The following IPO11 variants were observed in gnomAD, a reference collection of about 807,000 sequenced individuals.
IPO11 encodes the protein importin 11, also known as importin-11.
Under a neutral mutation model 143.2 loss-of-function variants are expected in IPO11, and 66 were observed. That is an observed-to-expected ratio of 0.46 (90% CI 0.38 to 0.57). The LOEUF (loss-of-function observed/expected upper bound fraction) is 0.57. IPO11 is among the 20% of genes least tolerant of loss of function. The pLI is 0.00. For synonymous variants in IPO11, 385 were observed against 377.8 expected (o/e 1.02, Z -0.22); for missense variants, 1,026 against 1,141.0 (o/e 0.90, Z 1.45).
At chr5:62,568,922 G>A (rs1483219768) in intron 27 of IPO11, among the ~76,000 whole-genome samples, 1 of 152,184 alleles carries the variant, frequency 6.6e-6, no homozygotes, top group East Asian at 1.9e-4. Flanking sequence ...GGGACTGACT[G>A]TTCACTTCCC....
intron 20 of IPO11, among the ~76,000 whole-genome samples, chr5:62,520,642 C>T (rs1480590884): frequency 6.6e-6 from 1 of 152,142 alleles, no homozygotes; most frequent in African/African-American, 2.4e-5. Flanking sequence ...TCTGTCCTTG[C>T]GATAGTTTGT....
intron 16 of IPO11, among the ~76,000 whole-genome samples, chr5:62,498,810 C>T (rs969344770): frequency 8.5e-5 from 13 of 152,236 alleles, no homozygotes; most frequent in South Asian, 6.2e-4. Context: ...GTGGAGGTTG[C>T]AGTGAGCCGA....
chr5:62,543,128 A>G (rs1743023492), intron 24 of IPO11, among the ~76,000 whole-genome samples: 1 of 152,166 alleles, frequency 6.6e-6, no homozygotes, highest in Non-Finnish European at 1.5e-5. Context: ...GAACCATGAT[A>G]TAACACAAGC....
intron 5 of IPO11, among the ~76,000 whole-genome samples, chr5:62,465,907 C>T (rs1745557907): frequency 6.6e-6 from 1 of 152,206 alleles, no homozygotes; most frequent in Admixed American, 6.5e-5. Flanking sequence ...AGATAGATGA[C>T]TCTAATGTGA....
intron 24 of IPO11, among the ~76,000 whole-genome samples, chr5:62,539,933 GTGAT>G (rs1048291684): frequency 1.3e-5 from 2 of 152,204 alleles, no homozygotes; most frequent in African/African-American, 2.4e-5. Flanking sequence ...TGAGGAAAAA[GTGAT>G]TGGTGATGTG....
chr5:62,489,376 G>C, intron 14 of IPO11, 27 bp downstream of exon 14: 1 of 1,492,406 alleles, frequency 6.7e-7, no homozygotes, highest in Non-Finnish European at 9.1e-7. Flanking sequence ...TGATTTAGAA[G>C]CATTTATTTA....
At chr5:62,430,147 T>G (rs147460633) in intron 1 of IPO11, among the ~76,000 whole-genome samples, 168 of 152,350 alleles carry the variant, frequency 1.1e-3, no homozygotes, top group African/African-American at 3.7e-3. Context: ...AGTGAATATC[T>G]GTATACGAGT....
intron 16 of IPO11, among the ~76,000 whole-genome samples, chr5:62,501,166 C>G (rs1377860937): frequency 6.6e-6 from 1 of 152,138 alleles, no homozygotes; most frequent in Admixed American, 6.6e-5. Flanking sequence ...TCTTTCCACT[C>G]TTGTGCGTTT....
chr5:62,600,965 T>C (rs1745486160), intron 28 of IPO11, among the ~76,000 whole-genome samples: 1 of 152,222 alleles, frequency 6.6e-6, no homozygotes. Context: ...TAAAAGCTGT[T>C]TACACAGCTG....
rs1561309190 is a variant in IPO11, at chr5:62,435,202, A to ATATATGTG, written c.-6-2067_-6-2066insGTGTATAT. 2.1e-4 allele frequency among the ~76,000 whole-genome samples: 22 copies of ATATATGTG among 107,026 alleles called. 1 individual carries two copies. Among genetic ancestry groups the ATATATGTG allele is most frequent in the Middle Eastern group, 5.0e-3 (1 of 200 alleles). The allele number at this position is 107,026 out of a possible 152,430, so 70.2% of individuals were successfully genotyped here. On this transcript the variant is annotated intron_variant, in intron 1 of 29. Coordinates refer to ENST00000325324, the MANE Select transcript of IPO11 (RefSeq NM_016338.5). ...TATGTATATATATGTATATATATGT[A>ATATATGTG]TATATATGTGTATATATATATATAT...
chr5:62,456,998 T>G (rs1302755689), intron 5 of IPO11, among the ~76,000 whole-genome samples: 1 of 151,988 alleles, frequency 6.6e-6, no homozygotes, highest in Non-Finnish European at 1.5e-5. Context: ...GACAATTGCT[T>G]CAACCTGGGA....
chr5:62,502,336 A>G (rs1304276968), intron 16 of IPO11, among the ~76,000 whole-genome samples: 1 of 152,204 alleles, frequency 6.6e-6, no homozygotes. Flanking sequence ...TCTTCATTCT[A>G]TAAACTCAAG....
intron 16 of IPO11, among the ~76,000 whole-genome samples, chr5:62,503,426 T>C (rs549111080): frequency 1.3e-5 from 2 of 148,876 alleles, no homozygotes; most frequent in African/African-American, 4.9e-5. Flanking sequence ...AATATATTAA[T>C]AGTATCTATT....
At chr5:62,567,492 A>ATT (rs1181269555) in intron 27 of IPO11, among the ~76,000 whole-genome samples, 2,339 of 125,908 alleles carry the variant, frequency 0.019, 97 homozygotes, top group African/African-American at 0.067. Context: ...TATTATTATT[A>ATT]TTATTTTTTT....
At position 62,482,612 on chromosome 5, in the gene IPO11, C is replaced by G. The variant is rs564288883; in HGVS notation, c.829-489C>G. ...CATTTGCCTAGATCCATTATTTGATCAGGAGTTACACAATGATGGCATTCT... is the reference window on the plus strand; with the variant it reads ...CATTTGCCTAGATCCATTATTTGATGAGGAGTTACACAATGATGGCATTCT... On this transcript the variant is annotated intron_variant, in intron 9 of 29. Coordinates refer to ENST00000325324, the MANE Select transcript of IPO11 (RefSeq NM_016338.5). Among the ~76,000 whole-genome samples, 9 of 152,230 alleles carry G rather than the reference C, an allele frequency of 5.9e-5. No individual in the cohort carries two copies. The East Asian group carries it at 7.7e-4, about 13-fold the overall frequency.
At chr5:62,415,139 A>G (rs1160552534) in intron 1 of IPO11, among the ~76,000 whole-genome samples, 1 of 152,174 alleles carries the variant, frequency 6.6e-6, no homozygotes, top group Admixed American at 6.5e-5. Context: ...GCTCCTGTTT[A>G]TCATGGTGGC....
At chr5:62,512,003 G>A (rs1412315087) in intron 19 of IPO11, among the ~76,000 whole-genome samples, 1 of 152,074 alleles carries the variant, frequency 6.6e-6, no homozygotes, top group Non-Finnish European at 1.5e-5. Context: ...GCACATCGTG[G>A]CTTCTGGGGT....
At chr5:62,430,593 AT>A (rs762286508) in intron 1 of IPO11, among the ~76,000 whole-genome samples, 4 of 152,020 alleles carry the variant, frequency 2.6e-5, no homozygotes, top group Non-Finnish European at 5.9e-5. Context: ...ACATGCTGGG[AT>A]TACAGGTGAG....
chr5:62,471,241 G>A (rs1253351713), intron 7 of IPO11, among the ~76,000 whole-genome samples: 2 of 149,626 alleles, frequency 1.3e-5, no homozygotes, highest in African/African-American at 2.5e-5. Context: ...TTTGTAAGTC[G>A]CTTTGGGGGT....
Sources: gnomAD v4.1 joint callset for allele counts (sites outside exome capture counted in the v4.1 genomes callset) on GRCh38, gnomAD v4.1.1 for gene constraint, MANE v1.5 for transcripts, NCBI Gene and HGNC (gene_info 2026-07-23, HGNC 2026-07-21) for gene names.